Variants in STEAP1B observed in about 807,000 individuals in gnomAD.
STEAP1B encodes the protein STEAP family member 1B, also known as STEAP family protein MGC87042.
Under a neutral mutation model 27.9 loss-of-function variants are expected in STEAP1B, and 13 were observed. That is an observed-to-expected ratio of 0.47 (90% CI 0.30 to 0.74). The LOEUF (loss-of-function observed/expected upper bound fraction) is 0.74, where lower values mean the gene tolerates loss of function less well. Ranked by LOEUF, STEAP1B falls within the 30% of genes least tolerant of loss-of-function variation. STEAP1B has a pLI of 0.06. For missense variants in STEAP1B, 250 were observed against 298.7 expected, an observed-to-expected ratio of 0.84 and a Z score of 1.20; for synonymous variants, 86 against 107.1, an observed-to-expected ratio of 0.80 and a Z score of 1.22.
intron 4 of STEAP1B, among the ~76,000 whole-genome samples, chr7:22,432,040 C>G (rs1785193902): frequency 6.6e-6 from 1 of 152,052 alleles, no homozygotes; most frequent in Non-Finnish European, 1.5e-5. Flanking sequence ...GGAGAGGGAG[C>G]CTTTGGGAGA....
At chr7:22,497,253 TTAACA>T (rs755229512) in intron 1 of STEAP1B, among the ~76,000 whole-genome samples, 5 of 152,250 alleles carry the variant, frequency 3.3e-5, no homozygotes, top group Non-Finnish European at 5.9e-5. Flanking sequence ...TGAGATGTCT[TTAACA>T]TTTTGTTAAG....
At chr7:22,433,740 C>T (rs1050937968) in intron 4 of STEAP1B, among the ~76,000 whole-genome samples, 11 of 152,184 alleles carry the variant, frequency 7.2e-5, no homozygotes, top group Non-Finnish European at 1.2e-4. Context: ...AAAAGCTACC[C>T]ACCACTACTC....
At chr7:22,444,991 A>G (rs1178554073) in intron 4 of STEAP1B, among the ~76,000 whole-genome samples, 1 of 152,186 alleles carries the variant, frequency 6.6e-6, no homozygotes, top group African/African-American at 2.4e-5. Context: ...GAGCTGTTAG[A>G]TCAGTCGTCT....
At chr7:22,444,671 T>C (rs769379074) in intron 4 of STEAP1B, among the ~76,000 whole-genome samples, 1 of 152,224 alleles carries the variant, frequency 6.6e-6, no homozygotes, top group Non-Finnish European at 1.5e-5. Context: ...AGGAATTTCA[T>C]CTGTCACTGA....
intron 4 of STEAP1B, among the ~76,000 whole-genome samples, chr7:22,458,416 C>T (rs1036720447): frequency 1.8e-4 from 27 of 152,184 alleles, no homozygotes; most frequent in African/African-American, 5.8e-4. Context: ...GAGGTGGAGT[C>T]GAAGGTGGCC....
At chr7:22,419,997 C>T (rs541097428) in intron 4 of STEAP1B, among the ~76,000 whole-genome samples, 161 bp from the exon 5 acceptor site, 12 of 152,298 alleles carry the variant, frequency 7.9e-5, no homozygotes, top group African/African-American at 1.2e-4. Flanking sequence ...AGAATTCTGG[C>T]GTGGTCTTTC....
chr7:22,474,403 T>A (rs117749346), intron 4 of STEAP1B, among the ~76,000 whole-genome samples: 1 of 152,264 alleles, frequency 6.6e-6, no homozygotes, highest in Non-Finnish European at 1.5e-5. Flanking sequence ...CTAGTCTGCA[T>A]CCAAGTTTAA....
chr7:22,438,813 A>T, intron 4 of STEAP1B: 1 of 1,489,134 alleles, frequency 6.7e-7, no homozygotes, highest in Non-Finnish European at 8.9e-7. Context: ...TGGGAATTAA[A>T]AGCCCTGTGA....
At position 22,456,972 on chromosome 7, in the gene STEAP1B, A is replaced by ATATATAT; in HGVS notation, c.762+35592_762+35593insATATATA. Among the ~76,000 whole-genome samples the ATATATAT allele has an allele frequency of 7.7e-4, 44 of 57,080 alleles. 3 individuals carry two copies. Among genetic ancestry groups the ATATATAT allele is most frequent in the Middle Eastern group, 0.017 (1 of 58 alleles). The allele number at this position is 57,080 out of a possible 152,430, so 37.4% of individuals were successfully genotyped here. A position where few individuals can be genotyped will look rare whatever the true frequency, so the allele number is the denominator to read the frequency against. On this transcript the variant is annotated intron_variant, in intron 4 of 4. Coordinates refer to ENST00000678116, the MANE Select transcript of STEAP1B (RefSeq NM_001382447.1). ...GGCAGCTATATATATATATATATAT[A>ATATATAT]TTTTTTTTTTTTTTAAGTATCCTGG...
intron 1 of STEAP1B, among the ~76,000 whole-genome samples, chr7:22,497,576 A>G (rs1277704378): frequency 1.3e-5 from 2 of 152,174 alleles, no homozygotes; most frequent in Non-Finnish European, 2.9e-5. Flanking sequence ...CAACTCTGTG[A>G]CCAACATTAA....
At chr7:22,441,800 T>G (rs112641992) in intron 4 of STEAP1B, among the ~76,000 whole-genome samples, 399 of 152,372 alleles carry the variant, frequency 2.6e-3, no homozygotes, top group African/African-American at 9.2e-3. Flanking sequence ...CCAACTGTGA[T>G]GTGAATTTGC....
intron 4 of STEAP1B, among the ~76,000 whole-genome samples, chr7:22,490,650 C>T (rs13307201): frequency 9.9e-5 from 15 of 152,196 alleles, no homozygotes; most frequent in African/African-American, 3.1e-4. Flanking sequence ...TACTTGGAAG[C>T]GTCTTACATA....
intron 4 of STEAP1B, among the ~76,000 whole-genome samples, chr7:22,478,093 A>C (rs1489516367): frequency 2.0e-5 from 3 of 152,148 alleles, no homozygotes; most frequent in African/African-American, 7.2e-5. Context: ...GCTCAGGGGA[A>C]GTTGCTAAGA....
chr7:22,451,162 A>T (rs1473764374), intron 4 of STEAP1B, among the ~76,000 whole-genome samples: 1 of 151,350 alleles, frequency 6.6e-6, no homozygotes, highest in Non-Finnish European at 1.5e-5. Context: ...GCGTCACTGT[A>T]CTCCAGCATG....
intron 4 of STEAP1B, among the ~76,000 whole-genome samples, chr7:22,464,146 A>G (rs1163130168): frequency 1.3e-5 from 2 of 152,220 alleles, no homozygotes; most frequent in African/African-American, 2.4e-5. Flanking sequence ...TATTCACTTG[A>G]GGTGGTATTA....
intron 4 of STEAP1B, among the ~76,000 whole-genome samples, chr7:22,423,231 A>G (rs189024752): frequency 6.6e-6 from 1 of 152,324 alleles, no homozygotes; most frequent in African/African-American, 2.4e-5. Context: ...CGTTAAGCAT[A>G]AATTTACCAT....
intron 4 of STEAP1B, chr7:22,438,397 G>A (rs1785281351): frequency 7.3e-7 from 1 of 1,364,884 alleles, no homozygotes; most frequent in East Asian, 2.5e-5. Flanking sequence ...TTTGGTAGAT[G>A]TCCACTTTGT....
At chr7:22,496,754 T>C (rs1288714371) in intron 1 of STEAP1B, among the ~76,000 whole-genome samples, 2 of 152,192 alleles carry the variant, frequency 1.3e-5, no homozygotes, top group Non-Finnish European at 2.9e-5. Context: ...CACTCTATGA[T>C]GTTTCCTCAA....
chr7:22,497,396 G>A (rs1381704229), intron 1 of STEAP1B, among the ~76,000 whole-genome samples: 1 of 152,144 alleles, frequency 6.6e-6, no homozygotes, highest in Non-Finnish European at 1.5e-5. Flanking sequence ...GAGTCCTGGT[G>A]GCATATTTCA....
Sources: gnomAD v4.1 joint callset for allele counts (sites outside exome capture counted in the v4.1 genomes callset) on GRCh38, gnomAD v4.1.1 for gene constraint, MANE v1.5 for transcripts, NCBI Gene and HGNC (gene_info 2026-07-23, HGNC 2026-07-21) for gene names.